EML6: variants seen among roughly 807,000 people sequenced by gnomAD.
The protein encoded by EML6 is echinoderm microtubule-associated protein-like 6.
In EML6, 154 loss-of-function variants were observed where a neutral mutation model predicts 240.1. The ratio of observed to expected loss-of-function variants is 0.64; its 90% CI spans 0.56 to 0.73. The LOEUF is 0.73. EML6 is among the 30% of genes least tolerant of loss of function. The pLI is 0.00. For synonymous variants in EML6, 1,148 were observed against 899.0 expected, an observed-to-expected ratio of 1.28 and a Z score of -4.95; for missense variants, 2,964 against 2,474.6, an observed-to-expected ratio of 1.20 and a Z score of -4.20.
At chr2:54,860,516 C>A (rs568086021) in intron 12 of EML6, among the ~76,000 whole-genome samples, 1 of 152,282 alleles carries the variant, frequency 6.6e-6, no homozygotes, top group East Asian at 1.9e-4. Flanking sequence ...ACCCAGCTGG[C>A]AGCCTAAGAA....
At chr2:54,887,499 C>T (rs1672212912) in intron 17 of EML6, among the ~76,000 whole-genome samples, 2 of 152,140 alleles carry the variant, frequency 1.3e-5, no homozygotes, top group African/African-American at 4.8e-5. Context: ...TGTTTTTCAT[C>T]AAGCAAAAGG....
Position 54,970,262 on chromosome 2 carries a change from T to G in EML6, c.*167T>G. 4.4e-6 allele frequency: 3 copies of G among 688,866 alleles called. No homozygotes were observed. The highest frequency in any genetic ancestry group is 3.4e-5 in the South Asian group (2 of 59,288). The allele number at this position is 688,866 out of a possible 1,614,324, so 42.7% of individuals were successfully genotyped here. A position where few individuals can be genotyped will look rare whatever the true frequency, so the allele number is the denominator to read the frequency against. On this transcript the variant is annotated 3_prime_UTR_variant, in exon 42 of 42. Coordinates refer to ENST00000356458, the MANE Select transcript of EML6 (RefSeq NM_001039753.4). ...AAGTTACACAACTGCTCCCATAATCTGGACTCTCCAAAACCGTGATGCCAC... is the reference window on the plus strand; with the variant it reads ...AAGTTACACAACTGCTCCCATAATCGGGACTCTCCAAAACCGTGATGCCAC...
chr2:54,881,165 T>G (rs189190912), intron 17 of EML6: 1 of 152,132 alleles, frequency 6.6e-6, no homozygotes, highest in South Asian at 2.1e-4. Flanking sequence ...CAGTGCTGTT[T>G]CCAAGCAGGA....
chr2:54,773,032 AC>A (rs1394042912), intron 2 of EML6, among the ~76,000 whole-genome samples: 1 of 152,210 alleles, frequency 6.6e-6, no homozygotes, highest in African/African-American at 2.4e-5. Flanking sequence ...TCCGAAAGTG[AC>A]TGGATCTTGG....
Position 54,762,372 on chromosome 2 carries a change from A to G in EML6, c.197+37114A>G, listed in dbSNP as rs540912595. Among the ~76,000 whole-genome samples, 16 of 152,280 alleles carry G rather than the reference A, an allele frequency of 1.1e-4. No homozygotes were observed. In the East Asian group the frequency reaches 1.3e-3, roughly 13 times the overall value. Reference sequence around the variant, plus strand: ...ATCCACTCATTATTGGTGATGTTCAATCTGATCATGGTAAAATCGATCATT... The same window carrying G: ...ATCCACTCATTATTGGTGATGTTCAGTCTGATCATGGTAAAATCGATCATT... On this transcript the variant is annotated intron_variant, in intron 2 of 41. Coordinates refer to ENST00000356458, the MANE Select transcript of EML6 (RefSeq NM_001039753.4).
intron 18 of EML6, 72 bp from the exon 19 acceptor site, chr2:54,892,382 A>G (rs1261234158): frequency 2.1e-6 from 2 of 968,600 alleles, no homozygotes; most frequent in African/African-American, 3.3e-5. Flanking sequence ...TTTCTCATGG[A>G]AGTAGTCCTT....
At chr2:54,782,561 T>G (rs1344278633) in intron 2 of EML6, among the ~76,000 whole-genome samples, 2 of 152,228 alleles carry the variant, frequency 1.3e-5, no homozygotes, top group Non-Finnish European at 1.5e-5. Context: ...ACTGATTATC[T>G]GTTACTTTGT....
chr2:54,850,332 T>A, intron 10 of EML6, 114 bp downstream of exon 10: 1 of 991,470 alleles, frequency 1.0e-6, no homozygotes, highest in South Asian at 1.8e-5. Context: ...GGTTTTCTGG[T>A]TTTTGCCGGA....
rs572764980 is a variant in EML6, at chr2:54,753,828, T to G, written c.197+28570T>G. Among the ~76,000 whole-genome samples, 26 of 151,566 alleles carry G rather than the reference T, an allele frequency of 1.7e-4. No homozygotes were observed. The South Asian group carries it at 5.5e-3, about 32-fold the overall frequency. On this transcript the variant is annotated intron_variant, in intron 2 of 41. Coordinates refer to ENST00000356458, the MANE Select transcript of EML6 (RefSeq NM_001039753.4). ...TTGGGACTACAGGTGCACATCACCA[T>G]GTCTGGCTAATTAAAAAAATTTTTT...
chr2:54,759,710 T>C (rs539965544), intron 2 of EML6, among the ~76,000 whole-genome samples: 1 of 152,144 alleles, frequency 6.6e-6, no homozygotes, highest in East Asian at 1.9e-4. Context: ...ATCACCAAGC[T>C]AGCATGTGAA....
chr2:54,891,242 G>A (rs962074307), intron 18 of EML6, 88 bp downstream of exon 18: 13 of 600,630 alleles, frequency 2.2e-5, no homozygotes, highest in Middle Eastern at 2.7e-4. Flanking sequence ...CTACTACCTC[G>A]CTTGTCTCTG....
At chr2:54,748,685 G>A (rs1347228700) in intron 2 of EML6, among the ~76,000 whole-genome samples, 1 of 152,062 alleles carries the variant, frequency 6.6e-6, no homozygotes, top group Non-Finnish European at 1.5e-5. Flanking sequence ...CTAGCCTCCT[G>A]AGTAGCTGGG....
chr2:54,890,823 A>G (rs1251386958), intron 17 of EML6, among the ~76,000 whole-genome samples: 4 of 152,352 alleles, frequency 2.6e-5, no homozygotes, highest in South Asian at 2.1e-4. Context: ...TGCTTAAAGT[A>G]TAAGTAAATA....
In EML6 at chr2:54,757,233, G is replaced by C. The variant is rs558844449; in HGVS notation, c.197+31975G>C. 1.0e-3 allele frequency among the ~76,000 whole-genome samples: 156 copies of C among 152,034 alleles called. 1 individual carries two copies. The highest frequency in any genetic ancestry group is 3.4e-3 in the African/African-American group (141 of 41,432). On this transcript the variant is annotated intron_variant, in intron 2 of 41. Transcript: ENST00000356458. ...ATTGGTCTTTAACTTTTAGGTTCAAGGCTTTCATCAGATGTTGGGCAGGCT... is the reference window on the plus strand; with the variant it reads ...ATTGGTCTTTAACTTTTAGGTTCAACGCTTTCATCAGATGTTGGGCAGGCT...
chr2:54,961,185 T>TTGTTTTTTTTTTTTTTTTTTTTTTTTTTG (rs1491471475), intron 35 of EML6, among the ~76,000 whole-genome samples: 1 of 62,378 alleles, frequency 1.6e-5, no homozygotes, highest in African/African-American at 7.1e-5. Context: ...CAGGAAGTAG[T>TTGTTTTTTTTTTTTTTTTTTTTTTTTTTG]TTTTTTTTTT....
At chr2:54,827,811 C>A (rs1252537607) in intron 6 of EML6, 60 bp downstream of exon 6, 3 of 1,196,546 alleles carry the variant, frequency 2.5e-6, no homozygotes, top group Non-Finnish European at 2.4e-6. Flanking sequence ...GACCACGAAT[C>A]CCTCCCTGTA....
intron 2 of EML6, among the ~76,000 whole-genome samples, chr2:54,727,081 T>C (rs1682940339): frequency 6.6e-6 from 1 of 152,226 alleles, no homozygotes; most frequent in Admixed American, 6.5e-5. Flanking sequence ...TGGGATGTGA[T>C]GAAATCTAGC....
chr2:54,803,984 C>G (rs1044083160), intron 2 of EML6, among the ~76,000 whole-genome samples: 11 of 152,182 alleles, frequency 7.2e-5, no homozygotes, highest in African/African-American at 2.7e-4. Context: ...TTTAATGCAG[C>G]CTTAATCTTG....
At chr2:54,817,557 A>G (rs1668134406) in intron 4 of EML6, among the ~76,000 whole-genome samples, 1 of 152,232 alleles carries the variant, frequency 6.6e-6, no homozygotes, top group African/African-American at 2.4e-5. Flanking sequence ...AATGTAGAAT[A>G]GGCATTTCCA....
Sources: allele counts gnomAD v4.1 joint callset (sites outside exome capture counted in the v4.1 genomes callset), GRCh38; gene constraint gnomAD v4.1.1; transcripts MANE v1.5; gene names NCBI Gene and HGNC (gene_info 2026-07-23, HGNC 2026-07-21).